Variants in FAM200B observed in about 807,000 individuals in gnomAD.
FAM200B encodes the protein protein FAM200B.
Under a neutral mutation model 33.1 loss-of-function variants are expected in FAM200B, and 32 were observed. The ratio of observed to expected loss-of-function variants is 0.97; its 90% CI spans 0.73 to 1.30. The LOEUF (loss-of-function observed/expected upper bound fraction) is 1.30, where lower values mean the gene tolerates loss of function less well. Among genes scored for constraint, FAM200B ranks in the 50% most tolerant of loss-of-function variants. The pLI, the probability that FAM200B is intolerant of heterozygous loss-of-function variation, is 0.00. For missense variants in FAM200B, 741 were observed against 754.0 expected (o/e 0.98, Z 0.20); for synonymous variants, 240 against 264.8 (o/e 0.91, Z 0.91).
At chr4:15,682,702 C>T (rs545188918) in intron 1 of FAM200B, among the ~76,000 whole-genome samples, 1 of 152,284 alleles carries the variant, frequency 6.6e-6, no homozygotes, top group South Asian at 2.1e-4. Flanking sequence ...ATACTTTAGG[C>T]ACTGTAGGTA....
At chr4:15,637,933 T>C in the FAM200B span, among the ~76,000 whole-genome samples, 3 of 150,576 alleles carry the variant, frequency 2.0e-5, no homozygotes, top group Admixed American at 1.3e-4. Context: ...CACGTTTTAT[T>C]TGCATTTCTC....
the FAM200B span, among the ~76,000 whole-genome samples, chr4:15,637,958 A>G: frequency 6.6e-6 from 1 of 151,890 alleles, no homozygotes; most frequent in African/African-American, 2.4e-5. Flanking sequence ...GTATTCTCAG[A>G]GTAACAATAC....
the FAM200B span, among the ~76,000 whole-genome samples, chr4:15,651,371 C>T: frequency 6.6e-6 from 1 of 152,188 alleles, no homozygotes; most frequent in Admixed American, 6.5e-5. Context: ...GGGTAAGTTA[C>T]TTAACCACTA....
chr4:15,657,667 A>T, the FAM200B span, among the ~76,000 whole-genome samples: 1 of 152,332 alleles, frequency 6.6e-6, no homozygotes, highest in African/African-American at 2.4e-5. Context: ...CCTGTGAGTA[A>T]TTTTTCCCAT....
At chr4:15,662,606 G>T in the FAM200B span, among the ~76,000 whole-genome samples, 3 of 152,102 alleles carry the variant, frequency 2.0e-5, no homozygotes, top group Non-Finnish European at 4.4e-5. Flanking sequence ...AGCTCTACTT[G>T]GATAATTCAA....
the FAM200B span, among the ~76,000 whole-genome samples, chr4:15,658,903 G>A: frequency 0.033 from 5,085 of 152,176 alleles, 115 homozygotes; most frequent in South Asian, 0.093. Context: ...CATATTCAGC[G>A]TTAAACTGGA....
chr4:15,656,179 A>T, the FAM200B span: 1 of 456,196 alleles, frequency 2.2e-6, no homozygotes, highest in Non-Finnish European at 4.4e-6. Flanking sequence ...ACCTTGGTAC[A>T]AATCCCGCCA....
At chr4:15,660,372 G>C in the FAM200B span, among the ~76,000 whole-genome samples, 1 of 152,038 alleles carries the variant, frequency 6.6e-6, no homozygotes, top group Non-Finnish European at 1.5e-5. Context: ...ATGAGCCGCC[G>C]CACCCAGCCC....
the FAM200B span, among the ~76,000 whole-genome samples, chr4:15,660,470 A>C: frequency 6.6e-6 from 1 of 152,226 alleles, no homozygotes; most frequent in Non-Finnish European, 1.5e-5. Flanking sequence ...GCTGAGAGCT[A>C]CCTAGAAATA....
chr4:15,649,322 G>A, the FAM200B span, among the ~76,000 whole-genome samples: 34,370 of 152,036 alleles, frequency 0.23, 4,215 homozygotes, highest in Admixed American at 0.29. Flanking sequence ...GTTCACGCCT[G>A]TAATCCCAGC....
In FAM200B at chr4:15,687,847, CTG is replaced by C. The variant is rs1205626732; in HGVS notation, c.872_873del (p.Cys291Ter). 2.6e-6 allele frequency: 4 copies of C among 1,551,164 alleles called. No individual in the cohort carries two copies. Among genetic ancestry groups the C allele is most frequent in the Non-Finnish European group, 3.5e-6 (4 of 1,146,714 alleles). On this transcript the variant is annotated frameshift_variant, in exon 2 of 2. Transcript: ENST00000422728. LOFTEE classifies it high-confidence loss of function. ...GCCAATATAAATTAAACTGGAAAAA[CTG>C]TAAAGGAATTACAAGTGATGGCACA... ...VGQYKLNWKN[C>X]KGITSDGTAT...
chr4:15,665,803 C>T, the FAM200B span, among the ~76,000 whole-genome samples: 1 of 152,160 alleles, frequency 6.6e-6, no homozygotes. Context: ...CAGTAAAATA[C>T]ATGGCTCTCA....
At chr4:15,666,394 T>G in the FAM200B span, among the ~76,000 whole-genome samples, 1 of 152,024 alleles carries the variant, frequency 6.6e-6, no homozygotes, top group South Asian at 2.1e-4. Context: ...AGCAAGACCC[T>G]GCCTAAAAAA....
At chr4:15,664,760 T>C in the FAM200B span, among the ~76,000 whole-genome samples, 1 of 151,958 alleles carries the variant, frequency 6.6e-6, no homozygotes, top group Non-Finnish European at 1.5e-5. Flanking sequence ...GGTTTCACCA[T>C]GTTGGCCAGG....
chr4:15,637,690 T>C, the FAM200B span, among the ~76,000 whole-genome samples: 6 of 152,214 alleles, frequency 3.9e-5, no homozygotes, highest in South Asian at 2.1e-4. Context: ...CTACATTTCA[T>C]AGTAAGGCAT....
the FAM200B span, among the ~76,000 whole-genome samples, chr4:15,664,756 A>C: frequency 1.1e-4 from 17 of 151,640 alleles, no homozygotes; most frequent in East Asian, 3.3e-3. Flanking sequence ...GCGAGGTTTC[A>C]CCATGTTGGC....
the FAM200B span, among the ~76,000 whole-genome samples, chr4:15,645,291 T>C: frequency 6.6e-6 from 1 of 152,118 alleles, no homozygotes; most frequent in African/African-American, 2.4e-5. Flanking sequence ...CATAACAGAA[T>C]TAACTATCTT....
At chr4:15,685,693 A>G (rs1718769286) in intron 1 of FAM200B, among the ~76,000 whole-genome samples, 1 of 152,354 alleles carries the variant, frequency 6.6e-6, no homozygotes, top group South Asian at 2.1e-4. Flanking sequence ...ACAAACAGTC[A>G]TAATAAAGAT....
chr4:15,659,558 C>T, the FAM200B span, among the ~76,000 whole-genome samples: 8 of 152,184 alleles, frequency 5.3e-5, no homozygotes, highest in African/African-American at 1.9e-4. Context: ...AGAGTAGTCC[C>T]ATTCCTTAGA....
Sources: gnomAD v4.1 joint callset for allele counts (sites outside exome capture counted in the v4.1 genomes callset) on GRCh38, gnomAD v4.1.1 for gene constraint, MANE v1.5 for transcripts, NCBI Gene and HGNC (gene_info 2026-07-23, HGNC 2026-07-21) for gene names.